The following COMMD1 variants were observed in gnomAD, a reference collection of about 807,000 sequenced individuals.
COMMD1 encodes the protein copper metabolism domain containing 1, also known as COMM domain-containing protein 1.
In COMMD1, 10 loss-of-function variants were observed where a neutral mutation model predicts 17.2. The observed-to-expected ratio is 0.58, with a 90% CI of 0.36 to 0.99. The LOEUF (loss-of-function observed/expected upper bound fraction) is 0.99. Ranked by LOEUF, COMMD1 falls within the 50% of genes least tolerant of loss-of-function variation. The pLI, the probability that COMMD1 is intolerant of heterozygous loss-of-function variation, is 0.01. For missense variants in COMMD1, 270 were observed against 231.8 expected (o/e 1.17, Z -1.07); for synonymous variants, 97 against 91.6 (o/e 1.06, Z -0.34).
chr2:61,982,392 A>G (rs1671978476), intron 1 of COMMD1, among the ~76,000 whole-genome samples: 1 of 152,070 alleles, frequency 6.6e-6, no homozygotes, highest in South Asian at 2.1e-4. Context: ...TTTTTGGTAG[A>G]GTAGGTTTTT....
chr2:61,947,373 T>G (rs1474178889), intron 1 of COMMD1, among the ~76,000 whole-genome samples: 1 of 152,116 alleles, frequency 6.6e-6, no homozygotes, highest in Non-Finnish European at 1.5e-5. Flanking sequence ...GCAAATAATT[T>G]TTTCTTTTAA....
chr2:62,021,175 T>C (rs1194726358), intron 2 of COMMD1, among the ~76,000 whole-genome samples: 2 of 152,220 alleles, frequency 1.3e-5, no homozygotes, highest in Non-Finnish European at 2.9e-5. Flanking sequence ...ATCGTTTTCT[T>C]GACAGTACTT....
intron 2 of COMMD1, among the ~76,000 whole-genome samples, chr2:62,100,914 G>A (rs532265684): frequency 1.3e-5 from 2 of 152,228 alleles, no homozygotes; most frequent in South Asian, 4.2e-4. Context: ...TTCAAGATAT[G>A]GCAGAGAAAC....
chr2:61,924,222 G>A (rs1670264998), intron 1 of COMMD1, among the ~76,000 whole-genome samples: 1 of 152,162 alleles, frequency 6.6e-6, no homozygotes, highest in Non-Finnish European at 1.5e-5. Flanking sequence ...GGTAAGGTTT[G>A]ATTAAATTTC....
intron 2 of COMMD1, among the ~76,000 whole-genome samples, chr2:62,078,041 C>T (rs973191718): frequency 1.2e-4 from 18 of 151,740 alleles, no homozygotes; most frequent in East Asian, 1.9e-4. Flanking sequence ...TTTGGGAGGC[C>T]GAAGCAGGCG....
intron 2 of COMMD1, among the ~76,000 whole-genome samples, chr2:62,042,325 C>A (rs561631811): frequency 1.2e-4 from 18 of 152,248 alleles, no homozygotes; most frequent in Admixed American, 1.0e-3. Flanking sequence ...TTGCTAGACA[C>A]TGAGTACTGA....
chr2:62,075,071 T>G (rs1020982151), intron 2 of COMMD1, among the ~76,000 whole-genome samples: 1 of 151,964 alleles, frequency 6.6e-6, no homozygotes, highest in Non-Finnish European at 1.5e-5. Flanking sequence ...GTATTTTTAG[T>G]AGAGACAGGG....
At chr2:62,134,313 G>C (rs1035283855) in intron 2 of COMMD1, among the ~76,000 whole-genome samples, 4 of 152,124 alleles carry the variant, frequency 2.6e-5, no homozygotes, top group Non-Finnish European at 5.9e-5. Flanking sequence ...CATCAACAGA[G>C]GGACATTAAT....
intron 1 of COMMD1, among the ~76,000 whole-genome samples, chr2:61,995,041 C>T (rs1404273708): frequency 6.6e-6 from 1 of 152,132 alleles, no homozygotes; most frequent in Non-Finnish European, 1.5e-5. Context: ...TTGCCCTAGC[C>T]CTCTGAAAAT....
chr2:61,938,234 C>T (rs1378327520), intron 1 of COMMD1, among the ~76,000 whole-genome samples: 3 of 150,548 alleles, frequency 2.0e-5, no homozygotes, highest in Non-Finnish European at 4.4e-5. Flanking sequence ...TAATTGACTG[C>T]AGGCCCCACG....
At chr2:62,039,720 T>C (rs1303732223) in intron 2 of COMMD1, among the ~76,000 whole-genome samples, 2 of 152,256 alleles carry the variant, frequency 1.3e-5, no homozygotes, top group Non-Finnish European at 2.9e-5. Flanking sequence ...GGTAGTATTT[T>C]CTATCTTTTG....
chr2:61,995,931 A>C (rs970247932), intron 1 of COMMD1, among the ~76,000 whole-genome samples: 1 of 152,226 alleles, frequency 6.6e-6, no homozygotes, highest in Non-Finnish European at 1.5e-5. Context: ...TGAATAATGC[A>C]ATTAAGCGAG....
intron 1 of COMMD1, among the ~76,000 whole-genome samples, chr2:61,894,222 G>C (rs1445456078): frequency 6.6e-6 from 1 of 152,096 alleles, no homozygotes; most frequent in East Asian, 1.9e-4. Context: ...GTCTCACTCA[G>C]CCTCCCAAAT....
At chr2:62,054,834 A>T (rs1670644815) in intron 2 of COMMD1, among the ~76,000 whole-genome samples, 1 of 152,212 alleles carries the variant, frequency 6.6e-6, no homozygotes, top group African/African-American at 2.4e-5. Context: ...ATATAACAAA[A>T]TTGCACATGT....
At chr2:61,897,223 C>G (rs1289175104) in intron 1 of COMMD1, among the ~76,000 whole-genome samples, 1 of 152,180 alleles carries the variant, frequency 6.6e-6, no homozygotes, top group Non-Finnish European at 1.5e-5. Flanking sequence ...TTCCTGGTCA[C>G]TTCTCCATGA....
intron 2 of COMMD1, among the ~76,000 whole-genome samples, chr2:62,089,379 G>A (rs761333243): frequency 2.7e-5 from 4 of 149,908 alleles, no homozygotes. Flanking sequence ...TAAGCCCCCC[G>A]GGTTCAAGTG....
intron 1 of COMMD1, among the ~76,000 whole-genome samples, chr2:61,958,128 G>T (rs1370609432): frequency 6.6e-6 from 1 of 152,046 alleles, no homozygotes; most frequent in African/African-American, 2.4e-5. Flanking sequence ...CATCACCCAG[G>T]TATTAAGCCT....
At chr2:61,986,618 G>A (rs1477434413) in intron 1 of COMMD1, among the ~76,000 whole-genome samples, 1 of 147,918 alleles carries the variant, frequency 6.8e-6, no homozygotes, top group African/African-American at 2.5e-5. Context: ...GCCCAGGCTG[G>A]AGTGCAGTGG....
intron 2 of COMMD1, among the ~76,000 whole-genome samples, chr2:62,052,962 G>A (rs1382785962): frequency 6.6e-6 from 1 of 152,094 alleles, no homozygotes; most frequent in Non-Finnish European, 1.5e-5. Context: ...CCAGCTACTC[G>A]GGAGGCTGAA....
Sources: gnomAD v4.1 joint callset for allele counts (sites outside exome capture counted in the v4.1 genomes callset) on GRCh38, gnomAD v4.1.1 for gene constraint, MANE v1.5 for transcripts, NCBI Gene and HGNC (gene_info 2026-07-23, HGNC 2026-07-21) for gene names.